The following EHD2 variants were observed in gnomAD, a reference collection of about 807,000 sequenced individuals.
EHD2 encodes EH domain containing 2.
Under a neutral mutation model 41.0 loss-of-function variants are expected in EHD2, and 27 were observed. The ratio of observed to expected loss-of-function variants is 0.66; its 90% confidence interval spans 0.49 to 0.91. The LOEUF (loss-of-function observed/expected upper bound fraction) is 0.91. Among genes scored for constraint, EHD2 ranks in the 40% least tolerant of loss-of-function variants. The pLI is 0.00. For synonymous variants in EHD2, 342 were observed against 341.0 expected (o/e 1.00, Z -0.03); for missense variants, 673 against 773.9 (o/e 0.87, Z 1.55).
At chr19:47,735,732 G>A (rs1480696534) in intron 4 of EHD2, among the ~76,000 whole-genome samples, 3 of 151,418 alleles carry the variant, frequency 2.0e-5, no homozygotes, top group African/African-American at 2.4e-5. Context: ...GAGAAACCCC[G>A]TTTCTATTAA....
At chr19:47,717,659 C>A (rs181126276) in intron 2 of EHD2, among the ~76,000 whole-genome samples, 1 of 152,084 alleles carries the variant, frequency 6.6e-6, no homozygotes, top group African/African-American at 2.4e-5. Flanking sequence ...GTAATCCCAG[C>A]GCTTTGGGAG....
In EHD2 at chr19:47,741,639, C is replaced by T; in HGVS notation, c.*207C>T. On this transcript the variant is annotated 3_prime_UTR_variant, in exon 6 of 6. Transcript: ENST00000263277. The surrounding 1 kb of genome is among the most constrained non-coding windows in gnomAD (Gnocchi z 4.5). ...ACAAGGCTTCTCTGTCCGCCCTTCA[C>T]ACCTCCAGCCTCACGTTCACTTAGG... The T allele has an allele frequency of 4.8e-6, 3 of 630,224 alleles. No individual in the cohort carries two copies. Among genetic ancestry groups the T allele is most frequent in the African/African-American group, 1.8e-5 (1 of 54,428 alleles). The allele number at this position is 630,224 out of a possible 1,614,324, so 39.0% of individuals were successfully genotyped here. A position where few individuals can be genotyped will look rare whatever the true frequency, so the allele number is the denominator to read the frequency against.
intron 4 of EHD2, among the ~76,000 whole-genome samples, chr19:47,735,639 A>G (rs1260899472): frequency 6.6e-6 from 1 of 151,754 alleles, no homozygotes; most frequent in Non-Finnish European, 1.5e-5. Flanking sequence ...GCGGTGGCTC[A>G]TGCCTGTAAT....
chr19:47,731,279 A>AAAAAAAAAAAAAAAT, intron 4 of EHD2: 9 of 60,924 alleles, frequency 1.5e-4, no homozygotes, highest in Admixed American at 7.5e-4. Context: ...AAAAAAAAAA[A>AAAAAAAAAAAAAAAT]ATATATATAT....
At chr19:47,731,279 A>AAAAAAATATATATATAT in intron 4 of EHD2, 1 of 60,928 alleles carries the variant, frequency 1.6e-5, no homozygotes, top group African/African-American at 4.9e-5. Context: ...AAAAAAAAAA[A>AAAAAAATATATATATAT]ATATATATAT....
At chr19:47,716,227 C>T (rs1274319743) in intron 1 of EHD2, among the ~76,000 whole-genome samples, 23 of 151,942 alleles carry the variant, frequency 1.5e-4, no homozygotes, top group Admixed American at 1.2e-3. Flanking sequence ...TACAGGCATG[C>T]ACCACCATGC....
chr19:47,717,857 G>A (rs897524464), intron 2 of EHD2, among the ~76,000 whole-genome samples: 18 of 147,344 alleles, frequency 1.2e-4, no homozygotes, highest in African/African-American at 3.5e-4. Context: ...GCAGTAAGCC[G>A]AGACCGTGCC....
At chr19:47,717,973 C>G (rs914792181) in intron 2 of EHD2, among the ~76,000 whole-genome samples, 1 of 145,460 alleles carries the variant, frequency 6.9e-6, no homozygotes, top group Non-Finnish European at 1.5e-5. Context: ...GCTGTGAGGA[C>G]TTGGAATAGC....
chr19:47,731,066 C>T (rs1033103408), intron 4 of EHD2, among the ~76,000 whole-genome samples: 8 of 150,820 alleles, frequency 5.3e-5, no homozygotes, highest in Middle Eastern at 3.4e-3. Context: ...AGGGGTGAGC[C>T]GAGTGGCGAT....
chr19:47,717,110 C>G (rs762290471), intron 2 of EHD2, 94 bp downstream of exon 2: 1 of 1,498,822 alleles, frequency 6.7e-7, no homozygotes, highest in Non-Finnish European at 9.0e-7. Flanking sequence ...TGCAGTGGTG[C>G]GATCTCAGCT....
chr19:47,718,721 G>A (rs1442468268), intron 3 of EHD2, 115 bp downstream of exon 3: 40 of 930,582 alleles, frequency 4.3e-5, no homozygotes, highest in Non-Finnish European at 5.7e-5. Flanking sequence ...GAGGGGCTGG[G>A]GTCTGGACTC....
rs748989469 is a variant in EHD2, at chr19:47,740,867, G to C, written c.1081-14G>C. On this transcript the variant is annotated splice_polypyrimidine_tract_variant and intron_variant, in intron 5 of 5. Transcript: ENST00000263277. ...CGCCGCTTGAATTCTGGGTGCCCCT[G>C]TCCCCCACCACAGGAGCTGCTGATG... 1.2e-6 allele frequency: 2 copies of C among 1,611,008 alleles called. No homozygotes were observed. Among genetic ancestry groups the C allele is most frequent in the Non-Finnish European group, 1.7e-6 (2 of 1,179,402 alleles).
chr19:47,734,927 C>A (rs1165987354), intron 4 of EHD2, among the ~76,000 whole-genome samples: 1 of 151,910 alleles, frequency 6.6e-6, no homozygotes, highest in African/African-American at 2.4e-5. Context: ...GTGGCACGTG[C>A]CTGTAATCCC....
At chr19:47,728,813 G>A (rs1483076257) in intron 4 of EHD2, among the ~76,000 whole-genome samples, 2 of 151,998 alleles carry the variant, frequency 1.3e-5, no homozygotes, top group African/African-American at 2.4e-5. Flanking sequence ...CAGGTGATCC[G>A]CCCGCCTTGG....
chr19:47,722,989 A>G (rs973288800), intron 3 of EHD2, among the ~76,000 whole-genome samples: 5 of 152,216 alleles, frequency 3.3e-5, no homozygotes, highest in South Asian at 4.1e-4. Flanking sequence ...GCATGAAGTC[A>G]GTAAATCAGG....
intron 3 of EHD2, among the ~76,000 whole-genome samples, chr19:47,723,611 G>A (rs897557531): frequency 1.4e-5 from 2 of 142,000 alleles, no homozygotes; most frequent in Admixed American, 1.5e-4. Flanking sequence ...ACCTGAGATC[G>A]CGCCACTGCA....
chr19:47,735,394 G>GCT (rs1966910676), intron 4 of EHD2, among the ~76,000 whole-genome samples: 2 of 152,158 alleles, frequency 1.3e-5, no homozygotes, highest in Admixed American at 1.3e-4. Flanking sequence ...AGGCCATGAG[G>GCT]CTCACAGTGT....
In EHD2 at chr19:47,713,427, G is replaced by GCTC. The variant is rs1481516392; in HGVS notation, c.-165_-163dup. 7 of 152,400 alleles carry GCTC rather than the reference G, an allele frequency of 4.6e-5. No homozygotes were observed. Among genetic ancestry groups the GCTC allele is most frequent in the Non-Finnish European group, 8.8e-5 (6 of 68,204 alleles). 9.4% of individuals were successfully genotyped at this position (152,400 alleles called of 1,614,324 possible). A position where few individuals can be genotyped will look rare whatever the true frequency, so the allele number is the denominator to read the frequency against. ...CTCCGGGCCCCACCCGGCTCAGACG[G>GCTC]CTCCGGACGGGACCGCGAGCACAGG... On this transcript the variant is annotated 5_prime_UTR_variant, in exon 1 of 6. Transcript: ENST00000263277.
chr19:47,737,696 A>G (rs1966939758), intron 5 of EHD2, among the ~76,000 whole-genome samples: 1 of 151,578 alleles, frequency 6.6e-6, no homozygotes, highest in Non-Finnish European at 1.5e-5. Flanking sequence ...ACGTTTAAAA[A>G]TTTATTTATA....
Sources: gnomAD v4.1 joint callset for allele counts (sites outside exome capture counted in the v4.1 genomes callset) on GRCh38, gnomAD v4.1.1 for gene constraint, Gnocchi (gnomAD v3.1) non-coding constraint, MANE v1.5 for transcripts, NCBI Gene and HGNC (gene_info 2026-07-23, HGNC 2026-07-21) for gene names.